Variants in PEBP4 observed in about 807,000 individuals in gnomAD.
PEBP4 encodes phosphatidylethanolamine binding protein 4, also known as phosphatidylethanolamine-binding protein 4.
In PEBP4, 22 loss-of-function variants were observed where a neutral mutation model predicts 23.9. The observed-to-expected ratio is 0.92, with a 90% CI of 0.66 to 1.31. PEBP4 has a LOEUF of 1.31. PEBP4 is among the 40% of genes most tolerant of loss of function. The pLI is 0.00. For missense variants in PEBP4, 324 were observed against 281.7 expected, an observed-to-expected ratio of 1.15 and a Z score of -1.07; for synonymous variants, 112 against 99.3, an observed-to-expected ratio of 1.13 and a Z score of -0.76.
chr8:22,752,992 C>T (rs1805301083), intron 4 of PEBP4, among the ~76,000 whole-genome samples: 1 of 152,178 alleles, frequency 6.6e-6, no homozygotes, highest in African/African-American at 2.4e-5. Flanking sequence ...TTCCCCATTG[C>T]CCAAGTTGAG....
At chr8:22,928,641 G>C (rs1809404134), upstream of PEBP4, among the ~76,000 whole-genome samples, 1 of 152,056 alleles carries the variant, frequency 6.6e-6, no homozygotes, top group Non-Finnish European at 1.5e-5. Flanking sequence ...GCTTGCAACA[G>C]GCTTTCCAAT....
chr8:22,927,687 C>G lies in PEBP4; in HGVS notation c.28G>C (p.Ala10Pro), dbSNP rs761353296. The change falls in exon 2 of 7, where the codon GCA becomes CCA. Residue 10 changes from alanine (A) to proline (P), a missense_variant. Coordinates refer to ENST00000256404, the MANE Select transcript of PEBP4 (RefSeq NM_144962.3). ...ATCATGAGACCCAGTAACAGTGCTG[C>G]TGTGACCAGCCTCATTGTCCAACCC... is the stretch of plus-strand genomic sequence containing the variant. The part of the protein sequence containing the change: MGWTMRLVT[A>P]ALLLGLMMVV... 1 of 1,613,982 alleles carries G rather than the reference C, an allele frequency of 6.2e-7. No individual in the cohort carries two copies. Among genetic ancestry groups the G allele is most frequent in the Non-Finnish European group, 8.5e-7 (1 of 1,179,880 alleles).
At chr8:22,910,842 G>T (rs531821534) in intron 3 of PEBP4, among the ~76,000 whole-genome samples, 1 of 152,322 alleles carries the variant, frequency 6.6e-6, no homozygotes, top group Admixed American at 6.5e-5. Flanking sequence ...GATTTTCAGG[G>T]CAATGAAACT....
At chr8:22,906,340 G>A (rs1311445564) in intron 3 of PEBP4, among the ~76,000 whole-genome samples, 1 of 152,160 alleles carries the variant, frequency 6.6e-6, no homozygotes, top group Non-Finnish European at 1.5e-5. Context: ...TGCTTGGCCA[G>A]TTTGCCAAGT....
At chr8:22,925,258 C>T (rs748207178) in intron 2 of PEBP4, 1 of 985,436 alleles carries the variant, frequency 1.0e-6, no homozygotes, top group Non-Finnish European at 1.2e-6. Flanking sequence ...AAGTCTCTTT[C>T]TCAGACTGGG....
chr8:22,893,147 T>C (rs1353011489), intron 3 of PEBP4, among the ~76,000 whole-genome samples: 1 of 152,104 alleles, frequency 6.6e-6, no homozygotes, highest in African/African-American at 2.4e-5. Flanking sequence ...TGAGAATAAA[T>C]TTGTATTCCC....
intron 4 of PEBP4, among the ~76,000 whole-genome samples, chr8:22,781,118 G>A (rs926065247): frequency 6.6e-6 from 1 of 152,164 alleles, no homozygotes; most frequent in South Asian, 2.1e-4. Flanking sequence ...CCCCCTGCTG[G>A]ACTGACCTCA....
At chr8:22,857,850 G>A (rs1411734833) in intron 3 of PEBP4, among the ~76,000 whole-genome samples, 2 of 152,206 alleles carry the variant, frequency 1.3e-5, no homozygotes, top group Non-Finnish European at 2.9e-5. Context: ...AGAACAGGGG[G>A]CAAGGGATGG....
At chr8:22,787,396 G>T (rs975853291) in intron 4 of PEBP4, among the ~76,000 whole-genome samples, 7 of 152,110 alleles carry the variant, frequency 4.6e-5, no homozygotes, top group African/African-American at 1.4e-4. Context: ...CTCAAACTGA[G>T]CTAGCCTTGA....
Position 22,870,584 on chromosome 8 carries a change from C to T in PEBP4, c.258+49600G>A, listed in dbSNP as rs964012400. On this transcript the variant is annotated intron_variant, in intron 3 of 6. Transcript: ENST00000256404. ...AGCGTAACCTAATGTAAAGTATGGG[C>T]GTTGGGTGAGAATGACATGTCAATG... Among the ~76,000 whole-genome samples the T allele has an allele frequency of 5.9e-5, 9 of 152,050 alleles. No homozygotes were observed. The East Asian group carries it at 7.7e-4, about 13-fold the overall frequency.
chr8:22,818,523 G>A (rs1448977821), intron 3 of PEBP4, among the ~76,000 whole-genome samples: 2 of 152,188 alleles, frequency 1.3e-5, no homozygotes, highest in African/African-American at 4.8e-5. Flanking sequence ...CATGGCAGGT[G>A]CAGGGGAGGG....
chr8:22,785,272 T>G (rs116057434), intron 4 of PEBP4, among the ~76,000 whole-genome samples: 3,383 of 152,278 alleles, frequency 0.022, 64 homozygotes, highest in South Asian at 0.076. Context: ...TCAGCTGTCT[T>G]CAACCAAGGA....
chr8:22,850,906 T>A (rs1373298641), intron 3 of PEBP4, among the ~76,000 whole-genome samples: 3 of 152,188 alleles, frequency 2.0e-5, no homozygotes, highest in African/African-American at 4.8e-5. Flanking sequence ...CACGGCTTCA[T>A]GCCATGTCCC....
chr8:22,925,147 TC>T, intron 2 of PEBP4: 1 of 985,310 alleles, frequency 1.0e-6, no homozygotes, highest in Non-Finnish European at 1.2e-6. Context: ...GATGCTCTCT[TC>T]CAAACAAAAA....
intron 6 of PEBP4, among the ~76,000 whole-genome samples, chr8:22,718,284 T>C (rs1439886564): frequency 1.3e-5 from 2 of 152,188 alleles, no homozygotes; most frequent in African/African-American, 4.8e-5. Context: ...TCCTCCCTTC[T>C]GCAGCTGGGG....
At chr8:22,831,782 C>T (rs1462843879) in intron 3 of PEBP4, among the ~76,000 whole-genome samples, 1 of 152,112 alleles carries the variant, frequency 6.6e-6, no homozygotes, top group Non-Finnish European at 1.5e-5. Flanking sequence ...GGAGGGAAGG[C>T]CATGCCTGGC....
chr8:22,717,606 G>A (rs898840600), intron 6 of PEBP4, among the ~76,000 whole-genome samples: 5 of 152,214 alleles, frequency 3.3e-5, no homozygotes, highest in African/African-American at 1.2e-4. Flanking sequence ...CCTTGAGGTT[G>A]GAGCTGCGGC....
Position 22,775,849 on chromosome 8 carries a change from C to T in PEBP4, c.357+41788G>A, listed in dbSNP as rs978614326. ...TCTCTGAGTGGGCAGGAAGGATTGCCCGACTCCTTGGCTCTTGGGGGGGTT... is the reference window on the plus strand; with the variant it reads ...TCTCTGAGTGGGCAGGAAGGATTGCTCGACTCCTTGGCTCTTGGGGGGGTT... On this transcript the variant is annotated intron_variant, in intron 4 of 6. Transcript: ENST00000256404. The surrounding 1 kb of genome is among the most constrained non-coding windows in gnomAD (Gnocchi z 4.8). Among the ~76,000 whole-genome samples the T allele has an allele frequency of 1.3e-5, 2 of 152,064 alleles. No homozygotes were observed. Among genetic ancestry groups the T allele is most frequent in the African/African-American group, 4.8e-5 (2 of 41,402 alleles).
intron 3 of PEBP4, among the ~76,000 whole-genome samples, chr8:22,899,507 G>C (rs1036344276): frequency 6.6e-6 from 1 of 152,246 alleles, no homozygotes; most frequent in Non-Finnish European, 1.5e-5. Context: ...TTAGCATGCT[G>C]TTCTGGGAGG....
Sources: allele counts gnomAD v4.1 joint callset (sites outside exome capture counted in the v4.1 genomes callset), GRCh38; gene constraint gnomAD v4.1.1; non-coding constraint Gnocchi (gnomAD v3.1); transcripts MANE v1.5; gene names NCBI Gene and HGNC (gene_info 2026-07-23, HGNC 2026-07-21).